The following POLR3A variants were observed in gnomAD, a reference collection of about 807,000 sequenced individuals.
POLR3A encodes the protein DNA-directed RNA polymerase III subunit RPC1.
POLR3A carries 112 observed loss-of-function variants against 152.8 expected under a neutral mutation model. That is an observed-to-expected ratio of 0.73 (90% CI 0.63 to 0.86). The LOEUF is 0.86. POLR3A is among the 40% of genes least tolerant of loss of function. The probability of loss-of-function intolerance (pLI) is 0.00; values close to 1 mark genes in which losing one functional copy is unlikely to be tolerated. For missense variants in POLR3A, 1,385 were observed against 1,743.1 expected, an observed-to-expected ratio of 0.79 and a Z score of 3.66; for synonymous variants, 615 against 652.1, an observed-to-expected ratio of 0.94 and a Z score of 0.87.
chr10:78,007,876 T>A lies in POLR3A; in HGVS notation c.1910-10A>T. 6.2e-7 allele frequency: 1 copy of A among 1,608,914 alleles called. No individual in the cohort carries two copies. Among genetic ancestry groups the A allele is most frequent in the East Asian group, 2.2e-5 (1 of 44,866 alleles). On this transcript the variant is annotated splice_polypyrimidine_tract_variant and intron_variant, in intron 14 of 30. Coordinates refer to ENST00000372371, the MANE Select transcript of POLR3A (RefSeq NM_007055.4). ...TTCTGGATTGTAACATCTGGAAGAATGATTATATATTTAGACAACAATTAT... is the reference window on the plus strand; with the variant it reads ...TTCTGGATTGTAACATCTGGAAGAAAGATTATATATTTAGACAACAATTAT...
chr10:77,984,356 T>C, intron 24 of POLR3A, 58 bp from the exon 25 acceptor site: 1 of 987,666 alleles, frequency 1.0e-6, no homozygotes, highest in Non-Finnish European at 1.6e-6. Flanking sequence ...GTTTGAGGAC[T>C]ACTGCTTTGT....
chr10:78,025,323 C>T (rs1207623078), intron 3 of POLR3A, among the ~76,000 whole-genome samples, 181 bp from the exon 4 acceptor site: 2 of 152,312 alleles, frequency 1.3e-5, no homozygotes, highest in South Asian at 4.1e-4. Flanking sequence ...TAGCAGTACT[C>T]ACAGCCAGTA....
intron 26 of POLR3A, among the ~76,000 whole-genome samples, chr10:77,983,075 G>A (rs1369658201): frequency 1.3e-5 from 2 of 152,112 alleles, no homozygotes; most frequent in Admixed American, 1.3e-4. Flanking sequence ...CTCAGTTCAT[G>A]GCAACACACG....
intron 14 of POLR3A, among the ~76,000 whole-genome samples, chr10:78,009,224 C>T (rs929943714): frequency 4.6e-5 from 7 of 151,386 alleles, no homozygotes; most frequent in Non-Finnish European, 5.9e-5. Flanking sequence ...CCCCCCCCGC[C>T]GCCAAAAAGA....
intron 15 of POLR3A, among the ~76,000 whole-genome samples, chr10:78,007,040 C>T (rs763317617): frequency 1.3e-5 from 2 of 152,202 alleles, no homozygotes; most frequent in South Asian, 4.1e-4. Context: ...CACTGCACTA[C>T]AGCCTGGGTG....
At position 78,024,773 on chromosome 10, in the gene POLR3A, G is replaced by T. The variant is rs1163479005; in HGVS notation, c.491-70C>A. On this transcript the variant is annotated intron_variant, in intron 4 of 30. Coordinates refer to ENST00000372371, the MANE Select transcript of POLR3A (RefSeq NM_007055.4). Reference sequence around the variant, plus strand: ...TCAGATTGGCCAGAGATTGTAGTATGGTTAATGAAATTACTGAAACTACTA... The same window carrying T: ...TCAGATTGGCCAGAGATTGTAGTATTGTTAATGAAATTACTGAAACTACTA... The T allele has an allele frequency of 2.8e-6, 4 of 1,453,486 alleles. No individual in the cohort carries two copies. In the East Asian group the frequency reaches 6.8e-5, roughly 25 times the overall value. 90.0% of individuals were successfully genotyped at this position (1,453,486 alleles called of 1,614,324 possible).
chr10:77,994,829 C>T (rs1847283896), intron 19 of POLR3A, among the ~76,000 whole-genome samples: 1 of 151,914 alleles, frequency 6.6e-6, no homozygotes, highest in Non-Finnish European at 1.5e-5. Flanking sequence ...AGATACTCCT[C>T]GAGAAGAGCA....
intron 14 of POLR3A, among the ~76,000 whole-genome samples, chr10:78,008,808 G>A (rs1421389779): frequency 6.7e-6 from 1 of 150,342 alleles, no homozygotes; most frequent in Non-Finnish European, 1.5e-5. Flanking sequence ...CTAGGAGTTC[G>A]AGACCAGCCT....
In POLR3A at chr10:77,981,015, A is replaced by G. The variant is rs115022281; in HGVS notation, c.3891+413T>C. On this transcript the variant is annotated intron_variant, in intron 29 of 30. Coordinates refer to ENST00000372371, the MANE Select transcript of POLR3A (RefSeq NM_007055.4). ...AACCCACCTCAGCCTCCCGCCCCCA[A>G]CTTCAGATCATGTTAACTTATTTTT... Among the ~76,000 whole-genome samples, 103 of 152,120 alleles carry G rather than the reference A, an allele frequency of 6.8e-4. 1 individual carries two copies. The highest frequency in any genetic ancestry group is 2.2e-3 in the African/African-American group (91 of 41,532).
At chr10:78,008,996 T>C (rs1479049359) in intron 14 of POLR3A, among the ~76,000 whole-genome samples, 1 of 150,788 alleles carries the variant, frequency 6.6e-6, no homozygotes, top group East Asian at 2.0e-4. Flanking sequence ...CTACTAAAAA[T>C]ACAAAAATAA....
chr10:78,007,823 G>T lies in POLR3A; in HGVS notation c.1953C>A (p.Asp651Glu). ...QNSELMSGSMDKGTLGSGSKN... is the reference protein window; with the variant it reads ...QNSELMSGSMEKGTLGSGSKN... ...TGGATCCTGACCCTAGGGTTCCTTTGTCCATGCTGCCACTCATCAACTCAC... is the reference window on the plus strand; with the variant it reads ...TGGATCCTGACCCTAGGGTTCCTTTTTCCATGCTGCCACTCATCAACTCAC... The change falls in exon 15 of 31, where the codon GAC (aspartate) becomes GAA (glutamate). Residue 651 changes from aspartate to glutamate, a missense_variant. Physicochemically the swap from Asp to Glu is conservative, Grantham distance 45. Transcript: ENST00000372371. 1.2e-6 allele frequency: 2 copies of T among 1,613,684 alleles called. No homozygotes were observed. The highest frequency in any genetic ancestry group is 1.7e-6 in the Non-Finnish European group (2 of 1,179,612).
chr10:78,029,340 T>C (rs1847668193), intron 1 of POLR3A, 24 bp downstream of exon 1: 3 of 1,613,730 alleles, frequency 1.9e-6, no homozygotes, highest in Non-Finnish European at 2.5e-6. Flanking sequence ...TCTCAGCCCT[T>C]TGGCCACTCT....
intron 11 of POLR3A, among the ~76,000 whole-genome samples, chr10:78,011,230 C>A (rs952893675): frequency 1.3e-5 from 2 of 152,112 alleles, no homozygotes; most frequent in African/African-American, 4.8e-5. Context: ...TGAAGTCAAC[C>A]AATTCCACAC....
intron 19 of POLR3A, among the ~76,000 whole-genome samples, chr10:77,995,486 A>G (rs1847290793): frequency 2.6e-5 from 4 of 152,288 alleles, no homozygotes; most frequent in Non-Finnish European, 5.9e-5. Flanking sequence ...CAAATGGAAA[A>G]CAAAAAAAGG....
intron 10 of POLR3A, among the ~76,000 whole-genome samples, chr10:78,014,384 A>C (rs1407739666): frequency 6.6e-6 from 1 of 151,942 alleles, no homozygotes; most frequent in African/African-American, 2.4e-5. Flanking sequence ...CAAACAAAAA[A>C]CCCCAATCAA....
At chr10:78,006,734 A>C (rs1847415694) in intron 15 of POLR3A, among the ~76,000 whole-genome samples, 1 of 152,230 alleles carries the variant, frequency 6.6e-6, no homozygotes, top group South Asian at 2.1e-4. Context: ...TGCTTAGCAC[A>C]GTGAATGAAA....
rs1048602357 is a variant in POLR3A, at chr10:78,010,647, A to G, written c.1573-107T>C. 3.9e-5 allele frequency: 32 copies of G among 810,714 alleles called. No individual in the cohort carries two copies. In the South Asian group the frequency reaches 4.3e-4, roughly 11 times the overall value. The allele number at this position is 810,714 out of a possible 1,614,324, so 50.2% of individuals were successfully genotyped here. ...TAGTTATGAACAAATACAGAGTAGC[A>G]GAAGGACGAGGCTGAGAAATGAAAG... On this transcript the variant is annotated intron_variant, in intron 11 of 30. Coordinates refer to ENST00000372371, the MANE Select transcript of POLR3A (RefSeq NM_007055.4).
intron 18 of POLR3A, 40 bp downstream of exon 18, chr10:78,000,936 A>T: frequency 9.8e-7 from 1 of 1,018,798 alleles, no homozygotes; most frequent in Non-Finnish European, 1.5e-6. Context: ...AGTGTAGATT[A>T]AGAGATCTTC....
At chr10:78,024,454 G>T in intron 5 of POLR3A, 95 bp downstream of exon 5, 1 of 1,268,248 alleles carries the variant, frequency 7.9e-7, no homozygotes, top group Non-Finnish European at 1.1e-6. Flanking sequence ...GGGTGTCTAG[G>T]GGTGGGGCGG....
Sources: gnomAD v4.1 joint callset for allele counts (sites outside exome capture counted in the v4.1 genomes callset) on GRCh38, gnomAD v4.1.1 for gene constraint, MANE v1.5 for transcripts, NCBI Gene and HGNC (gene_info 2026-07-23, HGNC 2026-07-21) for gene names.